The following TSPAN3 variants were observed in gnomAD, a reference collection of about 807,000 sequenced individuals.
TSPAN3 encodes the protein tetraspanin 3.
In TSPAN3, 9 loss-of-function variants were observed where a neutral mutation model predicts 31.1. The observed-to-expected ratio is 0.29, with a 90% confidence interval of 0.17 to 0.50. TSPAN3 has a LOEUF of 0.50. TSPAN3 is among the 20% of genes least tolerant of loss of function. The pLI, the probability that TSPAN3 is intolerant of heterozygous loss-of-function variation, is 0.98. For missense variants in TSPAN3, 252 were observed against 313.5 expected (o/e 0.80, Z 1.48); for synonymous variants, 129 against 114.3 (o/e 1.13, Z -0.82).
chr15:77,046,932 T>C lies in TSPAN3; in HGVS notation c.670-5A>G. The C allele has an allele frequency of 6.4e-7, 1 of 1,570,260 alleles. No individual in the cohort carries two copies. The highest frequency in any genetic ancestry group is 8.7e-7 in the Non-Finnish European group (1 of 1,155,004). ...AGCACACAGCATGCCCAGCAGCTGTTGAAAGAAAACAACAATGGGGAAAAA... is the reference window on the plus strand; with the variant it reads ...AGCACACAGCATGCCCAGCAGCTGTCGAAAGAAAACAACAATGGGGAAAAA... On this transcript the variant is annotated splice_region_variant and splice_polypyrimidine_tract_variant and intron_variant, in intron 6 of 6. Coordinates refer to ENST00000267970, the MANE Select transcript of TSPAN3 (RefSeq NM_005724.6).
rs569032606 is a variant in TSPAN3 at position 77,045,823 on chromosome 15, T to C, written c.*1012A>G. 3 of 152,322 alleles carry C rather than the reference T, an allele frequency of 2.0e-5. No individual in the cohort carries two copies. The East Asian group carries it at 5.8e-4, about 29-fold the overall frequency. The allele number at this position is 152,322 out of a possible 1,614,324, so 9.4% of individuals were successfully genotyped here. ...GTATCGCCACTGTATCCCCAGTGCA[T>C]TGCACAAAGTAGAGCTCTATATTTC... On this transcript the variant is annotated 3_prime_UTR_variant, in exon 7 of 7. Coordinates refer to ENST00000267970, the MANE Select transcript of TSPAN3 (RefSeq NM_005724.6).
chr15:77,066,286 C>A (rs989593540), intron 1 of TSPAN3, among the ~76,000 whole-genome samples: 6 of 152,118 alleles, frequency 3.9e-5, no homozygotes, highest in South Asian at 2.1e-4. Flanking sequence ...AATACAATAG[C>A]CTTTGCTGGG....
intron 1 of TSPAN3, among the ~76,000 whole-genome samples, chr15:77,059,243 T>C (rs1356562631): frequency 6.6e-6 from 1 of 152,122 alleles, no homozygotes; most frequent in East Asian, 1.9e-4. Context: ...CCACTACACC[T>C]GGCTAATTTT....
intron 1 of TSPAN3, among the ~76,000 whole-genome samples, chr15:77,066,202 T>C (rs375145554): frequency 2.0e-5 from 3 of 152,224 alleles, no homozygotes; most frequent in East Asian, 3.8e-4. Flanking sequence ...TCAGATTAAA[T>C]GACTTACCAA....
intron 1 of TSPAN3, among the ~76,000 whole-genome samples, chr15:77,059,631 T>C (rs532692680): frequency 6.6e-6 from 1 of 152,186 alleles, no homozygotes. Context: ...TGTTGTAGGT[T>C]TTTTTTACTC....
rs375306231 is a variant in TSPAN3 at position 77,054,260 on chromosome 15, C to A, written c.350G>T (p.Arg117Leu). The A allele has an allele frequency of 6.2e-6, 10 of 1,612,744 alleles. No individual in the cohort carries two copies. In the South Asian group the frequency reaches 9.9e-5, roughly 16 times the overall value. Residue 117 changes from arginine to leucine, a missense_variant, in exon 4 of 7, where the codon CGC (arginine) becomes CTC (leucine). Arg to Leu is a moderately radical substitution (Grantham distance 102). Transcript: ENST00000267970. The stretch of plus-strand genomic sequence containing the variant: ...GGTCTTATACACTTTCTGAATGCTG[C>A]GATCAACCTCATTTTCCACCTGAAT... ...YRAKVENEVD[R>L]SIQKVYKTYN...
chr15:77,070,253 AAG>A (rs1377717227), intron 1 of TSPAN3, among the ~76,000 whole-genome samples: 2 of 152,224 alleles, frequency 1.3e-5, no homozygotes, highest in Non-Finnish European at 2.9e-5. Flanking sequence ...ATATTTAACC[AAG>A]AGTTATAATC....
chr15:77,057,414 T>C (rs2076774894), intron 1 of TSPAN3, among the ~76,000 whole-genome samples: 1 of 152,216 alleles, frequency 6.6e-6, no homozygotes, highest in South Asian at 2.1e-4. Context: ...AAAACCCAGA[T>C]CATTTAAGTT....
At chr15:77,060,658 T>C (rs1011392296) in intron 1 of TSPAN3, among the ~76,000 whole-genome samples, 12 of 151,946 alleles carry the variant, frequency 7.9e-5, no homozygotes, top group African/African-American at 2.9e-4. Flanking sequence ...GATTGAGATC[T>C]ATCAAAGGAT....
chr15:77,055,702 A>G, intron 3 of TSPAN3, 87 bp downstream of exon 3: 2 of 1,038,820 alleles, frequency 1.9e-6, no homozygotes. Flanking sequence ...GAAAATGTTT[A>G]CTCTGATAAA....
intron 6 of TSPAN3, among the ~76,000 whole-genome samples, chr15:77,050,998 C>A (rs1042624665): frequency 1.3e-5 from 2 of 152,134 alleles, no homozygotes; most frequent in Non-Finnish European, 2.9e-5. Context: ...ATCCAAGCAA[C>A]TTACATTTAA....
At chr15:77,052,235 G>C (rs1402911347) in intron 6 of TSPAN3, 150 bp downstream of exon 6, 1 of 671,630 alleles carries the variant, frequency 1.5e-6, no homozygotes, top group Non-Finnish European at 2.6e-6. Flanking sequence ...ACAAGAAATG[G>C]AAAACATGGG....
At position 77,047,407 on chromosome 15, in the gene TSPAN3, T is replaced by C. The variant is rs567007211; in HGVS notation, c.670-480A>G. Among the ~76,000 whole-genome samples, 9 of 152,352 alleles carry C rather than the reference T, an allele frequency of 5.9e-5. No individual in the cohort carries two copies. The South Asian group carries it at 1.7e-3, about 28-fold the overall frequency. ...GCCTGGGGAGTAGAATGAGCAAGAA[T>C]GTGTGTGTTTAATAGTGGTCTTTTC... On this transcript the variant is annotated intron_variant, in intron 6 of 6. Coordinates refer to ENST00000267970, the MANE Select transcript of TSPAN3 (RefSeq NM_005724.6).
chr15:77,041,806 A>AAC lies in TSPAN3; in HGVS notation c.*5028_*5029insGT. ...GAAACTAGATACAGGCAGTGGTTCT[A>AAC]TAGCATGGTGAATGTACTCAAGGCA... is the stretch of plus-strand genomic sequence containing the variant. On this transcript the variant is annotated 3_prime_UTR_variant, in exon 7 of 7. Coordinates refer to ENST00000267970, the MANE Select transcript of TSPAN3 (RefSeq NM_005724.6). 1 of 152,350 alleles carries AAC rather than the reference A, an allele frequency of 6.6e-6. No homozygotes were observed. The highest frequency in any genetic ancestry group is 3.4e-3 in the Middle Eastern group (1 of 294). The allele number at this position is 152,350 out of a possible 1,614,324, so 9.4% of individuals were successfully genotyped here.
At chr15:77,068,932 T>C (rs1046833902) in intron 1 of TSPAN3, among the ~76,000 whole-genome samples, 1 of 152,224 alleles carries the variant, frequency 6.6e-6, no homozygotes, top group African/African-American at 2.4e-5. Context: ...TTGTGAACGG[T>C]GCTGCAGTGA....
intron 5 of TSPAN3, 50 bp from the exon 6 acceptor site, chr15:77,052,518 G>C (rs2152695804): frequency 6.4e-7 from 1 of 1,562,412 alleles, no homozygotes. Flanking sequence ...AAAAGTTAAA[G>C]CTGCAGATTC....
At chr15:77,059,317 C>T (rs1015003352) in intron 1 of TSPAN3, among the ~76,000 whole-genome samples, 3 of 152,150 alleles carry the variant, frequency 2.0e-5, no homozygotes, top group Non-Finnish European at 4.4e-5. Flanking sequence ...GTCCTGACCT[C>T]GTGATCCGCC....
chr15:77,060,768 T>C (rs2076795838), intron 1 of TSPAN3, among the ~76,000 whole-genome samples: 2 of 152,136 alleles, frequency 1.3e-5, no homozygotes, highest in South Asian at 4.1e-4. Context: ...GCAGCTGAAC[T>C]GCTTTAGTCA....
Position 77,046,845 on chromosome 15 carries a change from G to A in TSPAN3, c.752C>T (p.Thr251Ile). Residue 251 changes from threonine (T) to isoleucine (I), a missense_variant, in exon 7 of 7, where the codon ACC becomes ATC. Thr to Ile is a moderately conservative substitution (Grantham distance 89, BLOSUM62 -1). Coordinates refer to ENST00000267970, the MANE Select transcript of TSPAN3 (RefSeq NM_005724.6). Reference sequence around the variant, plus strand: ...GGCTTGAGTTGTCAACTATGCATAGGTTCCGCCAGTGATGAGGAGCTCGTA... The same window carrying A: ...GGCTTGAGTTGTCAACTATGCATAGATTCCGCCAGTGATGAGGAGCTCGTA... ...PAYELLITGG[T>I]YA is the part of the protein sequence containing the mutation. The A allele has an allele frequency of 1.3e-6, 2 of 1,590,332 alleles. No homozygotes were observed. The highest frequency in any genetic ancestry group is 1.7e-6 in the Non-Finnish European group (2 of 1,165,516).
Sources: gnomAD v4.1 joint callset for allele counts (sites outside exome capture counted in the v4.1 genomes callset) on GRCh38, gnomAD v4.1.1 for gene constraint, MANE v1.5 for transcripts, NCBI Gene and HGNC (gene_info 2026-07-23, HGNC 2026-07-21) for gene names.